SLC20A2: variants seen among roughly 807,000 people sequenced by gnomAD.
SLC20A2 encodes solute carrier family 20 member 2.
A neutral mutation model predicts 61.0 loss-of-function variants in SLC20A2; 30 were observed. The observed-to-expected ratio is 0.49, with a 90% confidence interval of 0.37 to 0.67. The LOEUF is 0.67. SLC20A2 is among the 30% of genes least tolerant of loss of function. SLC20A2 has a pLI of 0.00. For synonymous variants in SLC20A2, 351 were observed against 353.3 expected (o/e 0.99, Z 0.07); for missense variants, 626 against 866.4 (o/e 0.72, Z 3.48).
At chr8:42,479,500 TAA>T (rs369424384) in intron 1 of SLC20A2, among the ~76,000 whole-genome samples, 1 of 144,686 alleles carries the variant, frequency 6.9e-6, no homozygotes, top group Non-Finnish European at 1.5e-5. Context: ...ACACAGTTCT[TAA>T]AAAAAAAAAA....
At chr8:42,530,745 T>C (rs754125706) in intron 1 of SLC20A2, among the ~76,000 whole-genome samples, 1 of 152,178 alleles carries the variant, frequency 6.6e-6, no homozygotes, top group African/African-American at 2.4e-5. Context: ...TGAGACAGTC[T>C]TACTCTGTCA....
intron 5 of SLC20A2, among the ~76,000 whole-genome samples, chr8:42,445,833 C>T (rs1406987145): frequency 1.3e-5 from 2 of 152,262 alleles, no homozygotes; most frequent in African/African-American, 4.8e-5. Context: ...GCCATCTGGA[C>T]ACTGCCTGGC....
intron 1 of SLC20A2, among the ~76,000 whole-genome samples, chr8:42,490,938 C>T (rs796736775): frequency 2.6e-4 from 39 of 152,270 alleles, no homozygotes; most frequent in African/African-American, 6.5e-4. Context: ...CTAACACCTA[C>T]GTTAACTACA....
chr8:42,471,584 G>A (rs1263069811), intron 2 of SLC20A2, among the ~76,000 whole-genome samples: 2 of 152,168 alleles, frequency 1.3e-5, no homozygotes, highest in Admixed American at 6.6e-5. Context: ...TGAAACACAC[G>A]CACTTAAGAT....
chr8:42,433,997 T>C (rs1435859069), intron 8 of SLC20A2, among the ~76,000 whole-genome samples: 1 of 152,180 alleles, frequency 6.6e-6, no homozygotes, highest in Non-Finnish European at 1.5e-5. Flanking sequence ...ACAATTTCTC[T>C]ACATCCTTGA....
At chr8:42,426,988 ATTG>A (rs1300997907) in intron 10 of SLC20A2, among the ~76,000 whole-genome samples, 1 of 152,202 alleles carries the variant, frequency 6.6e-6, no homozygotes. Flanking sequence ...ATAGTCTTGT[ATTG>A]TTTGAAATAT....
rs529584086 is a variant in SLC20A2 at position 42,428,847 on chromosome 8, G to T, written c.1710-5C>A. On this transcript the variant is annotated splice_polypyrimidine_tract_variant and splice_region_variant and intron_variant, in intron 9 of 10. Coordinates refer to ENST00000520262, the MANE Select transcript of SLC20A2 (RefSeq NM_001257180.2). ...GCCAGCTCGATCGTGAAGCCGCTGT[G>T]GGGGGAGCATGAGACACGTCACAGG... The T allele has an allele frequency of 3.0e-5, 48 of 1,586,322 alleles. No individual in the cohort carries two copies. The highest frequency in any genetic ancestry group is 5.4e-5 in the African/African-American group (4 of 73,718).
At chr8:42,475,535 G>A (rs749856554) in intron 1 of SLC20A2, among the ~76,000 whole-genome samples, 13 of 151,804 alleles carry the variant, frequency 8.6e-5, no homozygotes, top group Admixed American at 2.6e-4. Context: ...TCGGCCTCCC[G>A]AGTAGCTGGG....
chr8:42,537,277 T>A (rs528812374), intron 1 of SLC20A2, among the ~76,000 whole-genome samples: 1 of 147,034 alleles, frequency 6.8e-6, no homozygotes. Flanking sequence ...CCAGCTACTC[T>A]GGAGGCTGAG....
intron 1 of SLC20A2, among the ~76,000 whole-genome samples, chr8:42,495,786 G>A (rs1203635343): frequency 6.8e-6 from 1 of 146,146 alleles, no homozygotes; most frequent in Non-Finnish European, 1.5e-5. Flanking sequence ...GTCTTGTTCT[G>A]TTGCCTAGGC....
At chr8:42,454,538 C>T (rs556257110) in intron 5 of SLC20A2, among the ~76,000 whole-genome samples, 2 of 152,148 alleles carry the variant, frequency 1.3e-5, no homozygotes, top group Admixed American at 6.6e-5. Flanking sequence ...CACCCAACTA[C>T]AGAACCTAAC....
At chr8:42,470,618 C>T (rs1043516061) in intron 2 of SLC20A2, among the ~76,000 whole-genome samples, 9 of 152,190 alleles carry the variant, frequency 5.9e-5, no homozygotes, top group African/African-American at 2.2e-4. Flanking sequence ...TCAGACGCCT[C>T]GAACAACATG....
intron 3 of SLC20A2, 69 bp from the exon 4 acceptor site, chr8:42,463,159 C>T: frequency 4.5e-6 from 4 of 882,602 alleles, no homozygotes; most frequent in East Asian, 2.6e-5. Flanking sequence ...ATTCATAGAA[C>T]ACAATGATAA....
At chr8:42,447,252 G>A (rs747568385) in intron 5 of SLC20A2, among the ~76,000 whole-genome samples, 10 of 151,820 alleles carry the variant, frequency 6.6e-5, no homozygotes, top group Non-Finnish European at 1.0e-4. Context: ...AGGCTGAGGT[G>A]GGAAGATTTC....
At chr8:42,471,260 G>A (rs1212177465) in intron 2 of SLC20A2, 4 of 455,872 alleles carry the variant, frequency 8.8e-6, no homozygotes, top group East Asian at 6.9e-5. Context: ...CTGCCGGGAA[G>A]GTTCTTTTCT....
At chr8:42,498,820 G>T (rs1313110333) in intron 1 of SLC20A2, among the ~76,000 whole-genome samples, 2 of 152,130 alleles carry the variant, frequency 1.3e-5, no homozygotes, top group African/African-American at 4.8e-5. Flanking sequence ...GCTCCAAGCC[G>T]AAAGGCAACC....
chr8:42,444,786 T>C (rs747142831), intron 5 of SLC20A2, 24 bp from the exon 6 acceptor site: 1 of 1,581,436 alleles, frequency 6.3e-7, no homozygotes, highest in Admixed American at 1.7e-5. Context: ...TGAGAAGCAG[T>C]GTCATTACTG....
chr8:42,452,043 GGGGGAGGAAGAGATGAAGA>G (rs1407886258), intron 5 of SLC20A2, among the ~76,000 whole-genome samples: 1 of 122,630 alleles, frequency 8.2e-6, no homozygotes, highest in African/African-American at 4.4e-5. Context: ...GAGGAAGAGA[GGGGGAGGAAGAGATGAAGA>G]GGAGGGGGAG....
chr8:42,527,908 A>C (rs1812078301), intron 1 of SLC20A2, among the ~76,000 whole-genome samples: 1 of 152,242 alleles, frequency 6.6e-6, no homozygotes, highest in Non-Finnish European at 1.5e-5. Context: ...TATTTTAAAA[A>C]CATGTGTATG....
Sources: gnomAD v4.1 joint callset for allele counts (sites outside exome capture counted in the v4.1 genomes callset) on GRCh38, gnomAD v4.1.1 for gene constraint, MANE v1.5 for transcripts, NCBI Gene and HGNC (gene_info 2026-07-23, HGNC 2026-07-21) for gene names.